The following PRKN variants were observed in gnomAD, a reference collection of about 807,000 sequenced individuals.
PRKN encodes the protein parkin RBR E3 ubiquitin protein ligase.
Under a neutral mutation model 59.5 loss-of-function variants are expected in PRKN, and 56 were observed. That is an observed-to-expected ratio of 0.94 (90% CI 0.76 to 1.18). PRKN has a LOEUF of 1.18. Ranked by LOEUF, PRKN falls within the 50% of genes most tolerant of loss-of-function variation. The pLI, the probability that PRKN is intolerant of heterozygous loss-of-function variation, is 0.00. For synonymous variants in PRKN, 250 were observed against 222.1 expected, an observed-to-expected ratio of 1.13 and a Z score of -1.12; for missense variants, 657 against 596.4, an observed-to-expected ratio of 1.10 and a Z score of -1.06.
intron 6 of PRKN, among the ~76,000 whole-genome samples, chr6:161,799,082 G>T (rs1790973435): frequency 6.6e-6 from 1 of 152,148 alleles, no homozygotes; most frequent in Non-Finnish European, 1.5e-5. Context: ...CATATTACTC[G>T]TGGCTGCTTT....
chr6:162,349,346 A>T (rs1195532863), intron 2 of PRKN, among the ~76,000 whole-genome samples: 1 of 152,102 alleles, frequency 6.6e-6, no homozygotes, highest in African/African-American at 2.4e-5. Context: ...TGCGCCTGAA[A>T]TCCCAGCTAC....
Position 161,419,472 on chromosome 6 carries a change from C to T in PRKN, c.1084-32595G>A, listed in dbSNP as rs563089459. On this transcript the variant is annotated intron_variant, in intron 9 of 11. Transcript: ENST00000366898. This position sits in a 1 kb window ranked among gnomAD's most constrained non-coding sequence, Gnocchi z 4.1. The stretch of plus-strand genomic sequence containing the variant: ...GTGCCATCTTGGCTCACTGCAACCT[C>T]CACCTCCTGGGTTCAAGCAATTCCC... Among the ~76,000 whole-genome samples, 2 of 152,156 alleles carry T rather than the reference C, an allele frequency of 1.3e-5. No homozygotes were observed. The highest frequency in any genetic ancestry group is 4.8e-5 in the African/African-American group (2 of 41,482).
chr6:162,034,024 C>A (rs1308582795), intron 5 of PRKN, among the ~76,000 whole-genome samples: 1 of 151,720 alleles, frequency 6.6e-6, no homozygotes, highest in African/African-American at 2.4e-5. Flanking sequence ...GTAGTATAAA[C>A]GATCTTTGGG....
chr6:162,638,944 C>G (rs896220159), intron 1 of PRKN, among the ~76,000 whole-genome samples: 2 of 151,980 alleles, frequency 1.3e-5, no homozygotes, highest in African/African-American at 4.8e-5. Context: ...CGGGGTTTCA[C>G]TATGTTAGCC....
chr6:162,314,845 T>C (rs969624558), intron 2 of PRKN, among the ~76,000 whole-genome samples: 1 of 152,162 alleles, frequency 6.6e-6, no homozygotes. Context: ...GCCACACTGT[T>C]GTCTTATACT....
At chr6:162,699,661 A>C (rs1384450656) in intron 1 of PRKN, among the ~76,000 whole-genome samples, 1 of 152,216 alleles carries the variant, frequency 6.6e-6, no homozygotes, top group Admixed American at 6.6e-5. Flanking sequence ...AATGACTGAA[A>C]GAATGGTGAA....
intron 6 of PRKN, among the ~76,000 whole-genome samples, chr6:161,863,325 TAAAA>T (rs34638710): frequency 6.8e-6 from 1 of 147,424 alleles, no homozygotes; most frequent in Non-Finnish European, 1.5e-5. Context: ...TTGGATTTAT[TAAAA>T]AAAAAAAGGG....
At chr6:161,782,777 C>A (rs896293919) in intron 7 of PRKN, among the ~76,000 whole-genome samples, 1 of 151,992 alleles carries the variant, frequency 6.6e-6, no homozygotes, top group Non-Finnish European at 1.5e-5. Flanking sequence ...ACCTGTAGTC[C>A]CAGCTACTTG....
intron 5 of PRKN, 58 bp from the exon 6 acceptor site, chr6:161,973,475 A>G: frequency 3.3e-6 from 3 of 919,626 alleles, no homozygotes; most frequent in Admixed American, 3.7e-5. Flanking sequence ...TTTTTCCTCT[A>G]AATGTTTCCA....
intron 6 of PRKN, among the ~76,000 whole-genome samples, chr6:161,827,313 A>G (rs1792286748): frequency 6.6e-6 from 1 of 152,106 alleles, no homozygotes; most frequent in Admixed American, 6.6e-5. Context: ...GAGATTTCCC[A>G]ATGGGTTTGA....
intron 9 of PRKN, among the ~76,000 whole-genome samples, chr6:161,540,343 C>A (rs905262546): frequency 6.6e-6 from 1 of 151,884 alleles, no homozygotes; most frequent in Non-Finnish European, 1.5e-5. Context: ...TTAATTAACC[C>A]TTGGAAGAAG....
chr6:161,365,194 G>T (rs942848540), intron 10 of PRKN, among the ~76,000 whole-genome samples: 6 of 152,190 alleles, frequency 3.9e-5, no homozygotes, highest in Non-Finnish European at 7.3e-5. Context: ...AATGTAGAAT[G>T]TAATAGAAAG....
At chr6:161,568,584 C>G (rs370062924) in intron 8 of PRKN, among the ~76,000 whole-genome samples, 28 of 130,606 alleles carry the variant, frequency 2.1e-4, no homozygotes, top group African/African-American at 7.4e-4. Context: ...CAGAGCAAGA[C>G]TCCTTCTCAA....
intron 9 of PRKN, among the ~76,000 whole-genome samples, chr6:161,500,247 C>T (rs1176233679): frequency 6.6e-6 from 1 of 152,162 alleles, no homozygotes; most frequent in East Asian, 1.9e-4. Flanking sequence ...ACAGCCTCCC[C>T]CACTATCAGT....
intron 1 of PRKN, among the ~76,000 whole-genome samples, chr6:162,585,547 TTCTTC>T (rs1286501319): frequency 1.3e-5 from 2 of 152,202 alleles, no homozygotes; most frequent in East Asian, 1.9e-4. Context: ...CATAATTCTA[TTCTTC>T]TCTTATTTCC....
intron 3 of PRKN, among the ~76,000 whole-genome samples, chr6:162,204,265 T>C (rs1468052681): frequency 6.6e-6 from 1 of 152,154 alleles, no homozygotes; most frequent in Non-Finnish European, 1.5e-5. Context: ...TAAAAAATAT[T>C]GGGGATTCTC....
At chr6:161,902,277 G>A (rs1018932396) in intron 6 of PRKN, among the ~76,000 whole-genome samples, 7 of 152,162 alleles carry the variant, frequency 4.6e-5, no homozygotes, top group Admixed American at 1.3e-4. Flanking sequence ...ATGTCAAAAC[G>A]TCACCAGGCT....
intron 4 of PRKN, among the ~76,000 whole-genome samples, chr6:162,082,019 T>G (rs1217533495): frequency 6.6e-6 from 1 of 152,140 alleles, no homozygotes; most frequent in Admixed American, 6.5e-5. Context: ...CTCACCTCTC[T>G]CAGCCTTCAT....
intron 5 of PRKN, among the ~76,000 whole-genome samples, chr6:162,032,201 C>T (rs938839075): frequency 6.6e-6 from 1 of 152,132 alleles, no homozygotes; most frequent in Non-Finnish European, 1.5e-5. Context: ...CTTACAATAT[C>T]CATCAGCCAT....
Sources: gnomAD v4.1 joint callset for allele counts (sites outside exome capture counted in the v4.1 genomes callset) on GRCh38, gnomAD v4.1.1 for gene constraint, Gnocchi (gnomAD v3.1) non-coding constraint, MANE v1.5 for transcripts, NCBI Gene and HGNC (gene_info 2026-07-23, HGNC 2026-07-21) for gene names.